AGL: variants seen among roughly 807,000 people sequenced by gnomAD.
AGL encodes amylo-alpha-1,6-glucosidase and 4-alpha-glucanotransferase.
A neutral mutation model predicts 199.3 loss-of-function variants in AGL; 128 were observed. That is an observed-to-expected ratio of 0.64 (90% CI 0.56 to 0.74). The LOEUF (loss-of-function observed/expected upper bound fraction) is 0.74. AGL is among the 30% of genes least tolerant of loss of function. The pLI, the probability that AGL is intolerant of heterozygous loss-of-function variation, is 0.00. For synonymous variants in AGL, 584 were observed against 594.7 expected (o/e 0.98, Z 0.26); for missense variants, 1,809 against 1,820.8 (o/e 0.99, Z 0.12).
intron 27 of AGL, among the ~76,000 whole-genome samples, chr1:99,907,190 C>T (rs1005140315): frequency 3.9e-5 from 6 of 152,130 alleles, no homozygotes; most frequent in African/African-American, 1.4e-4. Flanking sequence ...GCCCTTTGCC[C>T]ATTTTTTAAT....
At chr1:99,894,471 C>CTA (rs1439351486) in intron 24 of AGL, among the ~76,000 whole-genome samples, 1 of 152,072 alleles carries the variant, frequency 6.6e-6, no homozygotes. Flanking sequence ...GCACAGAGTG[C>CTA]TATATATATG....
rs956663144 is a variant in AGL, at chr1:99,922,230, A to G, written c.*579A>G. 1 of 151,870 alleles carries G rather than the reference A, an allele frequency of 6.6e-6. No individual in the cohort carries two copies. Among genetic ancestry groups the G allele is most frequent in the Non-Finnish European group, 1.5e-5 (1 of 67,846 alleles). The allele number at this position is 151,870 out of a possible 1,614,324, so 9.4% of individuals were successfully genotyped here. On this transcript the variant is annotated 3_prime_UTR_variant, in exon 34 of 34. Transcript: ENST00000361915. ...TTCACTGATATATTAATTTTTGTGT[A>G]ATGAATGCCAACAGTATATTTTATA...
intron 21 of AGL, among the ~76,000 whole-genome samples, 198 bp downstream of exon 21, chr1:99,888,306 ATAT>A (rs1570458389): frequency 6.6e-6 from 1 of 152,168 alleles, no homozygotes; most frequent in Admixed American, 6.5e-5. Context: ...AATTTGAATA[ATAT>A]TATCTAATTT....
Position 99,900,799 on chromosome 1 carries a change from A to T in AGL, c.3526A>T (p.Lys1176Ter). 6.2e-7 allele frequency: 1 copy of T among 1,613,996 alleles called. No homozygotes were observed. Among genetic ancestry groups the T allele is most frequent in the South Asian group, 1.1e-5 (1 of 91,080 alleles). The change falls in exon 26 of 34, where the codon AAG becomes TAG. Residue 1176 changes from lysine (K) to a stop codon, truncating the protein, a stop_gained. Coordinates refer to ENST00000361915, the MANE Select transcript of AGL (RefSeq NM_000642.3). LOFTEE classifies it high-confidence loss of function. ...KMVPNGLDIL[K>*]CPVSRMYPTD... ...GGTTCCAAATGGTCTAGACATTCTCAAGTGCCCAGTTTCCAGAATGTATCC... is the reference window on the plus strand; with the variant it reads ...GGTTCCAAATGGTCTAGACATTCTCTAGTGCCCAGTTTCCAGAATGTATCC...
chr1:99,864,334 C>G, intron 4 of AGL, 52 bp from the exon 5 acceptor site: 1 of 1,451,952 alleles, frequency 6.9e-7, no homozygotes, highest in Non-Finnish European at 9.7e-7. Flanking sequence ...TCATTTTAGG[C>G]TGGTTTTGTT....
chr1:99,870,957 T>A, intron 7 of AGL, 88 bp downstream of exon 7: 1 of 784,928 alleles, frequency 1.3e-6, no homozygotes. Context: ...ACGTCATTAT[T>A]AAATATGTCA....
At chr1:99,913,824 C>A in intron 30 of AGL, 86 bp downstream of exon 30, 1 of 1,308,348 alleles carries the variant, frequency 7.6e-7, no homozygotes, top group Non-Finnish European at 1.1e-6. Context: ...TTCAAATTCA[C>A]TTCATTGCTA....
At chr1:99,897,492 A>G (rs545345783) in intron 25 of AGL, among the ~76,000 whole-genome samples, 4 of 152,318 alleles carry the variant, frequency 2.6e-5, no homozygotes, top group African/African-American at 9.6e-5. Context: ...ACATGCCAAA[A>G]TTTTATTTTT....
At chr1:99,862,007 A>G (rs894815560) in intron 3 of AGL, among the ~76,000 whole-genome samples, 2 of 152,168 alleles carry the variant, frequency 1.3e-5, no homozygotes, top group African/African-American at 4.8e-5. Context: ...AGGTTTTAGT[A>G]TACTTATATT....
intron 24 of AGL, among the ~76,000 whole-genome samples, chr1:99,893,394 CGTT>C (rs950679432): frequency 1.4e-3 from 215 of 152,186 alleles, no homozygotes; most frequent in African/African-American, 4.8e-3. Flanking sequence ...ATTCATAAAA[CGTT>C]GTTTAAGTTC....
chr1:99,863,599 G>A (rs183631596), intron 4 of AGL, among the ~76,000 whole-genome samples: 2 of 151,898 alleles, frequency 1.3e-5, no homozygotes, highest in East Asian at 1.9e-4. Flanking sequence ...GACTGCAGGC[G>A]CCTGCCACCA....
chr1:99,903,376 A>G (rs112850863), intron 27 of AGL, among the ~76,000 whole-genome samples: 1 of 152,122 alleles, frequency 6.6e-6, no homozygotes, highest in African/African-American at 2.4e-5. Context: ...ATGAGTGAGA[A>G]CATGCGGTGT....
Position 99,884,798 on chromosome 1 carries a change from C to CTACTCAAAGTACTCAAAG in AGL, c.2681+107_2681+108insTCAAAGTACTCAAAGTAC, listed in dbSNP as rs1332991521. 17 of 1,453,002 alleles carry CTACTCAAAGTACTCAAAG rather than the reference C, an allele frequency of 1.2e-5. No homozygotes were observed. The South Asian group carries it at 1.8e-4, about 16-fold the overall frequency. 90.0% of individuals were successfully genotyped at this position (1,453,002 alleles called of 1,614,324 possible). A position where few individuals can be genotyped will look rare whatever the true frequency, so the allele number is the denominator to read the frequency against. ...GTTTTAAGGGTCCTCTATATCCTTG[C>CTACTCAAAGTACTCAAAG]TACTCAAAGTACGGTCCAAGGACCA... On this transcript the variant is annotated intron_variant, in intron 20 of 33. Coordinates refer to ENST00000361915, the MANE Select transcript of AGL (RefSeq NM_000642.3).
chr1:99,850,053 G>C (rs1360270693), upstream of AGL: 1 of 152,370 alleles, frequency 6.6e-6, no homozygotes, highest in Non-Finnish European at 1.5e-5. Flanking sequence ...GCTCTCGCGA[G>C]ACTAGCGGTC....
In AGL at chr1:99,910,700, T is replaced by G. The variant is rs549240496; in HGVS notation, c.3701-12T>G. 2 of 1,529,514 alleles carry G rather than the reference T, an allele frequency of 1.3e-6. No homozygotes were observed. Among genetic ancestry groups the G allele is most frequent in the Non-Finnish European group, 1.8e-6 (2 of 1,114,652 alleles). 94.7% of individuals were successfully genotyped at this position (1,529,514 alleles called of 1,614,324 possible). The stretch of plus-strand genomic sequence containing the variant: ...TTATAAAATTTTATTTTATACACAT[T>G]TTGTTTTTTAGGTTTTAATATAACT... On this transcript the variant is annotated splice_polypyrimidine_tract_variant and intron_variant, in intron 27 of 33. Transcript: ENST00000361915.
At chr1:99,906,784 A>G (rs531938139) in intron 27 of AGL, among the ~76,000 whole-genome samples, 4 of 152,088 alleles carry the variant, frequency 2.6e-5, no homozygotes, top group Non-Finnish European at 4.4e-5. Flanking sequence ...GTCAGTGGGC[A>G]TTTTATTGCT....
chr1:99,884,311 G>T, intron 18 of AGL, 28 bp from the exon 19 acceptor site: 1 of 1,601,520 alleles, frequency 6.2e-7, no homozygotes, highest in Non-Finnish European at 8.5e-7. Context: ...TTTGTTGAAT[G>T]GATTTTTTTA....
At chr1:99,896,961 C>T (rs1193537235) in intron 25 of AGL, among the ~76,000 whole-genome samples, 7 of 152,058 alleles carry the variant, frequency 4.6e-5, no homozygotes, top group African/African-American at 1.4e-4. Flanking sequence ...AGATTACAGG[C>T]GCCCGCCACC....
chr1:99,850,830 C>G (rs1648889296), intron 1 of AGL, 145 bp from the exon 2 acceptor site: 3 of 579,144 alleles, frequency 5.2e-6, no homozygotes, highest in Middle Eastern at 4.8e-4. Context: ...TTTGCCTTCT[C>G]GAATCTTAAT....
Sources: gnomAD v4.1 joint callset for allele counts (sites outside exome capture counted in the v4.1 genomes callset) on GRCh38, gnomAD v4.1.1 for gene constraint, MANE v1.5 for transcripts, NCBI Gene and HGNC (gene_info 2026-07-23, HGNC 2026-07-21) for gene names.